Variants in SPOCK3 observed in about 807,000 individuals in gnomAD.
The protein encoded by SPOCK3 is SPARC (osteonectin), cwcv and kazal like domains proteoglycan 3, also known as testican-3.
Under a neutral mutation model 56.6 loss-of-function variants are expected in SPOCK3, and 30 were observed. The ratio of observed to expected loss-of-function variants is 0.53; its 90% CI spans 0.40 to 0.72. SPOCK3 has a LOEUF of 0.72. SPOCK3 is among the 30% of genes least tolerant of loss of function. The probability of loss-of-function intolerance (pLI) is 0.00; values close to 1 mark genes in which losing one functional copy is unlikely to be tolerated. For synonymous variants in SPOCK3, 196 were observed against 183.3 expected (o/e 1.07, Z -0.56); for missense variants, 527 against 530.0 (o/e 0.99, Z 0.06).
intron 6 of SPOCK3, among the ~76,000 whole-genome samples, chr4:166,847,246 G>A (rs1748150523): frequency 6.6e-6 from 1 of 151,986 alleles, no homozygotes; most frequent in Non-Finnish European, 1.5e-5. Context: ...AGGCCATTTG[G>A]GAGGAGCTAA....
intron 6 of SPOCK3, among the ~76,000 whole-genome samples, chr4:166,817,787 A>G (rs1452692420): frequency 6.6e-6 from 1 of 152,104 alleles, no homozygotes; most frequent in Non-Finnish European, 1.5e-5. Flanking sequence ...AAGGGCAGAG[A>G]GAGATATAAT....
chr4:167,007,676 T>C (rs1300539527), intron 3 of SPOCK3, among the ~76,000 whole-genome samples: 2 of 152,154 alleles, frequency 1.3e-5, no homozygotes, highest in African/African-American at 4.8e-5. Flanking sequence ...TAGAAAATCC[T>C]TTTCTTCTTC....
At chr4:166,839,503 C>A (rs1170371445) in intron 6 of SPOCK3, among the ~76,000 whole-genome samples, 1 of 152,054 alleles carries the variant, frequency 6.6e-6, no homozygotes, top group African/African-American at 2.4e-5. Flanking sequence ...AAAAGGCTGT[C>A]ACTAAGGCAG....
intron 6 of SPOCK3, among the ~76,000 whole-genome samples, chr4:166,871,910 C>A (rs998700477): frequency 2.0e-5 from 3 of 150,572 alleles, no homozygotes; most frequent in Non-Finnish European, 4.4e-5. Context: ...TATTAGAATA[C>A]CAAATAAGAA....
chr4:167,170,588 C>G (rs1730417243), intron 2 of SPOCK3, among the ~76,000 whole-genome samples: 1 of 152,166 alleles, frequency 6.6e-6, no homozygotes, highest in South Asian at 2.1e-4. Context: ...CCAAAGCACA[C>G]ACGAGTCATA....
intron 4 of SPOCK3, among the ~76,000 whole-genome samples, chr4:166,924,308 T>G (rs558579237): frequency 6.6e-6 from 1 of 152,286 alleles, no homozygotes; most frequent in Non-Finnish European, 1.5e-5. Flanking sequence ...TGCTTTCCAT[T>G]ATTTATTTAG....
At chr4:167,002,158 C>T (rs1749010430) in intron 3 of SPOCK3, among the ~76,000 whole-genome samples, 1 of 151,908 alleles carries the variant, frequency 6.6e-6, no homozygotes, top group African/African-American at 2.4e-5. Context: ...GGGGTTTCAC[C>T]ATGTTGGCCA....
intron 6 of SPOCK3, among the ~76,000 whole-genome samples, chr4:166,887,738 C>T (rs17598772): frequency 0.077 from 11,723 of 151,736 alleles, 539 homozygotes; most frequent in Non-Finnish European, 0.1. Context: ...GAACAGGGCT[C>T]CTGGGCAACA....
intron 2 of SPOCK3, among the ~76,000 whole-genome samples, chr4:167,118,968 C>T (rs1761646583): frequency 6.6e-6 from 1 of 152,144 alleles, no homozygotes; most frequent in African/African-American, 2.4e-5. Flanking sequence ...CAGACTCTCA[C>T]TGTTCTCTCA....
chr4:166,955,168 G>C lies in SPOCK3; in HGVS notation c.351-42425C>G, dbSNP rs1196580266. ...AGTCTACAAACATACAAAAGCCTTT[G>C]TTAATATTTCTGGGTTAAACAGAAA... On this transcript the variant is annotated intron_variant, in intron 4 of 10. Transcript: ENST00000357545. Among the ~76,000 whole-genome samples, 5 of 151,896 alleles carry C rather than the reference G, an allele frequency of 3.3e-5. No homozygotes were observed. The South Asian group carries it at 1.0e-3, about 31-fold the overall frequency.
intron 4 of SPOCK3, among the ~76,000 whole-genome samples, chr4:166,961,925 G>A (rs959642063): frequency 6.6e-6 from 1 of 152,102 alleles, no homozygotes; most frequent in African/African-American, 2.4e-5. Context: ...CATTGCAGGA[G>A]TTCAAACATC....
At chr4:166,878,191 A>T (rs535562031) in intron 6 of SPOCK3, among the ~76,000 whole-genome samples, 50 of 152,262 alleles carry the variant, frequency 3.3e-4, no homozygotes, top group African/African-American at 1.2e-3. Flanking sequence ...AGGCAGGAGA[A>T]TTGCTTGAAC....
At chr4:166,804,128 A>G (rs926553005) in intron 6 of SPOCK3, among the ~76,000 whole-genome samples, 49 of 152,154 alleles carry the variant, frequency 3.2e-4, no homozygotes, top group African/African-American at 1.1e-3. Flanking sequence ...GCTTAGGAGT[A>G]GTAGTAAGGT....
At chr4:166,819,230 CA>C (rs1338944830) in intron 6 of SPOCK3, among the ~76,000 whole-genome samples, 1 of 151,976 alleles carries the variant, frequency 6.6e-6, no homozygotes, top group Admixed American at 6.6e-5. Flanking sequence ...CTCAATCTGA[CA>C]AAGGGCATCT....
chr4:167,141,105 C>G (rs1426111140), intron 2 of SPOCK3, among the ~76,000 whole-genome samples: 1 of 151,948 alleles, frequency 6.6e-6, no homozygotes, highest in Non-Finnish European at 1.5e-5. Flanking sequence ...AGTTTTAGCT[C>G]CTTGCTTAAG....
intron 4 of SPOCK3, among the ~76,000 whole-genome samples, chr4:166,944,782 G>A (rs1373012324): frequency 6.6e-6 from 1 of 151,808 alleles, no homozygotes; most frequent in Admixed American, 6.6e-5. Context: ...AGATTATGGT[G>A]GTATCTTCCA....
chr4:166,908,403 G>A (rs1343566293), intron 5 of SPOCK3, among the ~76,000 whole-genome samples: 1 of 150,242 alleles, frequency 6.7e-6, no homozygotes, highest in Non-Finnish European at 1.5e-5. Flanking sequence ...CACATGAGGA[G>A]TTTTAAAAAT....
chr4:167,021,162 A>C (rs1751133825), intron 3 of SPOCK3, among the ~76,000 whole-genome samples: 1 of 152,050 alleles, frequency 6.6e-6, no homozygotes, highest in South Asian at 2.1e-4. Flanking sequence ...AAATGCTCAG[A>C]CTTTTAAAAA....
chr4:166,762,502 G>T (rs980679042), intron 7 of SPOCK3, among the ~76,000 whole-genome samples: 1 of 146,246 alleles, frequency 6.8e-6, no homozygotes, highest in Non-Finnish European at 1.5e-5. Flanking sequence ...AGAGAGTTGG[G>T]TACAGCCCAA....
Sources: allele counts gnomAD v4.1 joint callset (sites outside exome capture counted in the v4.1 genomes callset), GRCh38; gene constraint gnomAD v4.1.1; transcripts MANE v1.5; gene names NCBI Gene and HGNC (gene_info 2026-07-23, HGNC 2026-07-21).